The following DOCK4 variants were observed in gnomAD, a reference collection of about 807,000 sequenced individuals.
The protein encoded by DOCK4 is dedicator of cytokinesis protein 4.
DOCK4 carries 97 observed loss-of-function variants against 268.1 expected under a neutral mutation model. The observed-to-expected ratio is 0.36, with a 90% CI of 0.31 to 0.43. DOCK4 has a LOEUF of 0.43. Ranked by LOEUF, DOCK4 falls within the 20% of genes least tolerant of loss-of-function variation. The pLI, the probability that DOCK4 is intolerant of heterozygous loss-of-function variation, is 1.00. For synonymous variants in DOCK4, 954 were observed against 887.2 expected, an observed-to-expected ratio of 1.08 and a Z score of -1.34; for missense variants, 2,145 against 2,455.7, an observed-to-expected ratio of 0.87 and a Z score of 2.67.
chr7:112,184,028 C>T (rs111959281), intron 1 of DOCK4, among the ~76,000 whole-genome samples: 2,192 of 152,300 alleles, frequency 0.014, 24 homozygotes, highest in Non-Finnish European at 0.023. Flanking sequence ...CACCACCTTG[C>T]CTCTCCTAGG....
intron 42 of DOCK4, 29 bp from the exon 43 acceptor site, chr7:111,747,472 T>C (rs202033785): frequency 4.5e-6 from 7 of 1,543,996 alleles, no homozygotes; most frequent in Non-Finnish European, 1.7e-6. Context: ...TAAATATATA[T>C]TGAATTTGTG....
intron 1 of DOCK4, among the ~76,000 whole-genome samples, chr7:112,040,259 C>T (rs1804234238): frequency 6.6e-6 from 1 of 152,148 alleles, no homozygotes; most frequent in Non-Finnish European, 1.5e-5. Flanking sequence ...TAAAGAGAAA[C>T]ACCTTCTTAT....
intron 39 of DOCK4, among the ~76,000 whole-genome samples, chr7:111,760,583 G>A (rs1797326750): frequency 6.6e-6 from 1 of 152,208 alleles, no homozygotes; most frequent in South Asian, 2.1e-4. Context: ...GTGCAAAGAG[G>A]TGGATTCTCA....
intron 1 of DOCK4, among the ~76,000 whole-genome samples, chr7:112,197,123 T>G (rs1820519430): frequency 6.6e-6 from 1 of 152,170 alleles, no homozygotes; most frequent in Non-Finnish European, 1.5e-5. Flanking sequence ...GTTTGCCTCT[T>G]TCTGTGAATT....
At chr7:112,154,437 T>G (rs1816414993) in intron 1 of DOCK4, among the ~76,000 whole-genome samples, 1 of 152,210 alleles carries the variant, frequency 6.6e-6, no homozygotes, top group African/African-American at 2.4e-5. Flanking sequence ...TGACTCCTTT[T>G]TCTTTGCACT....
chr7:112,182,142 G>A (rs1055937386), intron 1 of DOCK4, among the ~76,000 whole-genome samples: 2 of 152,128 alleles, frequency 1.3e-5, no homozygotes, highest in Non-Finnish European at 2.9e-5. Flanking sequence ...AGTTTCTTGA[G>A]CTGAAAAATG....
intron 1 of DOCK4, among the ~76,000 whole-genome samples, chr7:112,105,306 A>G (rs892737445): frequency 2.0e-5 from 3 of 152,224 alleles, no homozygotes; most frequent in African/African-American, 4.8e-5. Flanking sequence ...AAATTTAAAA[A>G]TCGATGTGAA....
At chr7:111,936,485 AATGGATGGATGGATGGATGG>A (rs56276228) in intron 11 of DOCK4, among the ~76,000 whole-genome samples, 6 of 148,052 alleles carry the variant, frequency 4.1e-5, no homozygotes, top group East Asian at 2.0e-4. Flanking sequence ...CAGTGGTATG[AATGGATGGATGGATGGATGG>A]ATGGATGGAT....
At chr7:112,144,275 G>A (rs760339396) in intron 1 of DOCK4, among the ~76,000 whole-genome samples, 33 of 151,310 alleles carry the variant, frequency 2.2e-4, no homozygotes, top group Non-Finnish European at 3.2e-4. Flanking sequence ...CACAATATAA[G>A]TAGTCCACTA....
chr7:111,816,651 G>A (rs1801578414), intron 27 of DOCK4, among the ~76,000 whole-genome samples: 1 of 152,118 alleles, frequency 6.6e-6, no homozygotes. Flanking sequence ...ATGGCATCTG[G>A]GAATCTGGCC....
In DOCK4 at chr7:111,900,374, T is replaced by C; in HGVS notation, c.1480A>G (p.Thr494Ala). Residue 494 changes from threonine (T) to alanine (A), a missense_variant and splice_region_variant, in exon 15 of 53, where the codon ACA (threonine) becomes GCA (alanine). By Grantham distance (58) the Thr-to-Ala change is moderately conservative. Transcript: ENST00000428084. ...HIRFEFRHCS[T>A]KEKGEKKLFG... is the part of the protein sequence containing the mutation. ...GTAGCCAATGCCACCAAACACTTACTGGAACAATGCCGAAACTCGAAGCGG... is the reference window on the plus strand; with the variant it reads ...GTAGCCAATGCCACCAAACACTTACCGGAACAATGCCGAAACTCGAAGCGG... 2 of 1,612,488 alleles carry C rather than the reference T, an allele frequency of 1.2e-6. No homozygotes were observed. The highest frequency in any genetic ancestry group is 1.7e-6 in the Non-Finnish European group (2 of 1,179,300).
chr7:112,042,731 T>C (rs1209351298), intron 1 of DOCK4, among the ~76,000 whole-genome samples: 2 of 152,200 alleles, frequency 1.3e-5, no homozygotes, highest in Admixed American at 1.3e-4. Flanking sequence ...GGCAGTGCTA[T>C]GGTTTGAATA....
chr7:112,168,753 T>G (rs754119550), intron 1 of DOCK4, among the ~76,000 whole-genome samples: 15 of 152,134 alleles, frequency 9.9e-5, no homozygotes, highest in Non-Finnish European at 1.9e-4. Context: ...TTAGGTCAGG[T>G]GAACGCTGAC....
chr7:111,819,272 T>C (rs62472922), intron 27 of DOCK4: 38 of 152,324 alleles, frequency 2.5e-4, no homozygotes, highest in Non-Finnish European at 5.0e-4. Flanking sequence ...ATTTTTGTAC[T>C]TTATTTCACA....
rs552802003 is a variant in DOCK4, at chr7:112,103,734, T to C, written c.38-99603A>G. ...CCGTCTTTACTAAAAATACAAAAAT[T>C]AGCCAGGCATGGTGGCGCATGCCTG... is the stretch of plus-strand genomic sequence containing the variant. On this transcript the variant is annotated intron_variant, in intron 1 of 52. Transcript: ENST00000428084. Among the ~76,000 whole-genome samples the C allele has an allele frequency of 6.6e-5, 10 of 151,970 alleles. No individual in the cohort carries two copies. In the South Asian group the frequency reaches 2.1e-3, roughly 32 times the overall value.
chr7:111,875,504 T>C (rs923672939), intron 17 of DOCK4, among the ~76,000 whole-genome samples: 7 of 152,234 alleles, frequency 4.6e-5, no homozygotes, highest in Admixed American at 3.9e-4. Flanking sequence ...GGAGGGATTA[T>C]GTTTCCCTCA....
chr7:111,831,933 T>A (rs1802843880), intron 26 of DOCK4, among the ~76,000 whole-genome samples: 2 of 152,200 alleles, frequency 1.3e-5, no homozygotes, highest in Admixed American at 6.5e-5. Context: ...CTCTATATTC[T>A]ATCAAATGAT....
At position 112,091,400 on chromosome 7, in the gene DOCK4, G is replaced by T. The variant is rs137880447; in HGVS notation, c.38-87269C>A. Among the ~76,000 whole-genome samples the T allele has an allele frequency of 2.9e-4, 44 of 152,232 alleles. 1 individual carries two copies. The East Asian group carries it at 7.3e-3, about 25-fold the overall frequency. ...CATTCCTAGGCCGTCTTCACTCTGG[G>T]AGACTGCCAGCGTTGCCCTACCTGC... On this transcript the variant is annotated intron_variant, in intron 1 of 52. Coordinates refer to ENST00000428084, the MANE Select transcript of DOCK4 (RefSeq NM_001363540.2).
Position 111,758,797 on chromosome 7 carries a change from T to C in DOCK4, c.4163-7A>G. On this transcript the variant is annotated splice_polypyrimidine_tract_variant and splice_region_variant and intron_variant, in intron 40 of 52. Coordinates refer to ENST00000428084, the MANE Select transcript of DOCK4 (RefSeq NM_001363540.2). ...ACAGCATATATCTGCAAATCTAGGA[T>C]TCAAGAGTCAAGGAGAGAACCTGAC... The C allele has an allele frequency of 6.2e-7, 1 of 1,613,370 alleles. No individual in the cohort carries two copies. The highest frequency in any genetic ancestry group is 8.5e-7 in the Non-Finnish European group (1 of 1,179,650).
Sources: allele counts gnomAD v4.1 joint callset (sites outside exome capture counted in the v4.1 genomes callset), GRCh38; gene constraint gnomAD v4.1.1; transcripts MANE v1.5; gene names NCBI Gene and HGNC (gene_info 2026-07-23, HGNC 2026-07-21).